CHLSN: variants seen among roughly 807,000 people sequenced by gnomAD.
The protein encoded by CHLSN is cholesin.
At chr7:979,509 T>G in the CHLSN span, among the ~76,000 whole-genome samples, 1 of 152,064 alleles carries the variant, frequency 6.6e-6, no homozygotes, top group Non-Finnish European at 1.5e-5. Context: ...CCCAGCACTT[T>G]GGGTGGCCAC....
chr7:984,398 G>A, the CHLSN span: 12 of 1,544,824 alleles, frequency 7.8e-6, no homozygotes, highest in Non-Finnish European at 9.6e-6. Context: ...GGTGACCCCC[G>A]CCATCCCTGC....
chr7:1,019,188 T>C, the CHLSN span, among the ~76,000 whole-genome samples: 1 of 89,478 alleles, frequency 1.1e-5, no homozygotes, highest in Non-Finnish European at 2.0e-5. Flanking sequence ...AGTGAGACTC[T>C]GTCTCAAAAA....
At chr7:1,015,281 G>A in the CHLSN span, among the ~76,000 whole-genome samples, 12 of 152,120 alleles carry the variant, frequency 7.9e-5, no homozygotes, top group African/African-American at 2.7e-4. Context: ...GAGCAGGTGT[G>A]GGCTCCCCGT....
the CHLSN span, among the ~76,000 whole-genome samples, chr7:1,004,823 AG>A: frequency 6.6e-6 from 1 of 152,196 alleles, no homozygotes; most frequent in African/African-American, 2.4e-5. Context: ...ATCTTGGAAA[AG>A]GAAAGAGAGC....
the CHLSN span, among the ~76,000 whole-genome samples, chr7:1,086,570 G>T: frequency 1.3e-5 from 2 of 152,216 alleles, no homozygotes; most frequent in African/African-American, 2.4e-5. Flanking sequence ...ACTTTAAATT[G>T]CTATTGCACA....
chr7:997,758 A>G, the CHLSN span: 2 of 1,610,094 alleles, frequency 1.2e-6, no homozygotes, highest in Admixed American at 1.7e-5. Context: ...CCGGCCCTGC[A>G]GCCCCTCCAG....
chr7:1,110,667 G>A, the CHLSN span, among the ~76,000 whole-genome samples: 5 of 152,234 alleles, frequency 3.3e-5, no homozygotes, highest in Admixed American at 6.5e-5. Context: ...GGCGTGGGAG[G>A]CCGCTGTCTG....
chr7:1,000,433 GC>G, the CHLSN span: 1 of 1,075,736 alleles, frequency 9.3e-7, no homozygotes, highest in Non-Finnish European at 1.3e-6. Flanking sequence ...ACAGACCTCA[GC>G]CCCCAGGAGA....
the CHLSN span, among the ~76,000 whole-genome samples, chr7:1,121,296 T>C: frequency 6.7e-6 from 1 of 150,048 alleles, no homozygotes; most frequent in Non-Finnish European, 1.5e-5. Context: ...GTGGTGGGGG[T>C]GGGTGGAATT....
the CHLSN span, chr7:1,059,117 C>CT: frequency 2.2e-4 from 38 of 169,346 alleles, no homozygotes; most frequent in Non-Finnish European, 2.9e-5. Flanking sequence ...GTGACGCGCT[C>CT]TCCTCAGCCA....
At chr7:1,012,290 T>A in the CHLSN span, among the ~76,000 whole-genome samples, 1 of 152,106 alleles carries the variant, frequency 6.6e-6, no homozygotes, top group Non-Finnish European at 1.5e-5. Context: ...GGCCCTGTGG[T>A]AGGGTCCCAG....
chr7:1,130,563 C>T, the CHLSN span, among the ~76,000 whole-genome samples: 1 of 152,066 alleles, frequency 6.6e-6, no homozygotes, highest in Non-Finnish European at 1.5e-5. Context: ...CCCCACCCTC[C>T]CCAGGGCCAC....
At chr7:1,036,906 T>C in the CHLSN span, among the ~76,000 whole-genome samples, 4 of 147,894 alleles carry the variant, frequency 2.7e-5, 1 homozygote, top group Non-Finnish European at 6.1e-5. Context: ...GCCTAGGAGA[T>C]GGAGACCGGC....
chr7:978,742 A>G, the CHLSN span, among the ~76,000 whole-genome samples: 2 of 152,250 alleles, frequency 1.3e-5, no homozygotes, highest in Non-Finnish European at 2.9e-5. Context: ...CCCTTGCTGA[A>G]GCTTACGTGG....
chr7:1,091,760 G>A, the CHLSN span: 14 of 1,552,588 alleles, frequency 9.0e-6, no homozygotes, highest in Non-Finnish European at 1.2e-5. Flanking sequence ...CGGGGCGTGG[G>A]CCTGGAGATG....
chr7:1,104,470 C>G, the CHLSN span, among the ~76,000 whole-genome samples: 2 of 152,196 alleles, frequency 1.3e-5, no homozygotes, highest in Non-Finnish European at 2.9e-5. Flanking sequence ...GCCGGTGGCT[C>G]CAAGGTGCTG....
At chr7:1,021,649 C>T in the CHLSN span, 12 of 894,292 alleles carry the variant, frequency 1.3e-5, no homozygotes, top group East Asian at 2.4e-4. Flanking sequence ...TTGCTGCCAC[C>T]GCAGTGCCCT....
At chr7:1,136,044 A>G in the CHLSN span, among the ~76,000 whole-genome samples, 2 of 117,064 alleles carry the variant, frequency 1.7e-5, no homozygotes, top group African/African-American at 7.3e-5. Flanking sequence ...GTATAAATAT[A>G]TAAGTATATA....
chr7:1,000,099 G>A, the CHLSN span, among the ~76,000 whole-genome samples: 7 of 152,236 alleles, frequency 4.6e-5, no homozygotes, highest in African/African-American at 7.2e-5. Flanking sequence ...CCTGAAGGCC[G>A]GCGGCAGGGC....
Sources: gnomAD v4.1 joint callset for allele counts (sites outside exome capture counted in the v4.1 genomes callset) on GRCh38, gnomAD v4.1.1 for gene constraint, MANE v1.5 for transcripts, NCBI Gene and HGNC (gene_info 2026-07-23, HGNC 2026-07-21) for gene names.